DSCAM: variants seen among roughly 807,000 people sequenced by gnomAD.
DSCAM encodes the protein DS cell adhesion molecule, also known as cell adhesion molecule DSCAM.
DSCAM carries 47 observed loss-of-function variants against 217.7 expected under a neutral mutation model. The ratio of observed to expected loss-of-function variants is 0.22; its 90% CI spans 0.17 to 0.28. The LOEUF is 0.28. DSCAM is among the 10% of genes least tolerant of loss of function. The pLI is 1.00. For missense variants in DSCAM, 2,080 were observed against 2,618.3 expected, an observed-to-expected ratio of 0.79 and a Z score of 4.49; for synonymous variants, 1,056 against 1,015.3, an observed-to-expected ratio of 1.04 and a Z score of -0.76.
chr21:40,275,997 G>T, intron 11 of DSCAM, 100 bp downstream of exon 11: 1 of 1,262,214 alleles, frequency 7.9e-7, no homozygotes. Flanking sequence ...CTTCTTTTGT[G>T]TTGCTTTTAA....
intron 20 of DSCAM, among the ~76,000 whole-genome samples, 181 bp downstream of exon 20, chr21:40,124,014 G>A (rs192740359): frequency 1.3e-5 from 2 of 152,186 alleles, no homozygotes; most frequent in African/African-American, 2.4e-5. Flanking sequence ...ATTCAGGAGC[G>A]TATTTTCAAA....
intron 15 of DSCAM, among the ~76,000 whole-genome samples, chr21:40,175,172 C>A (rs1460603569): frequency 6.6e-6 from 1 of 152,290 alleles, no homozygotes; most frequent in African/African-American, 2.4e-5. Context: ...TGCAGTGGCA[C>A]GACCTTGGCT....
At chr21:40,086,218 T>C (rs2146574393) in intron 22 of DSCAM, among the ~76,000 whole-genome samples, 1 of 152,338 alleles carries the variant, frequency 6.6e-6, no homozygotes, top group African/African-American at 2.4e-5. Flanking sequence ...GATTTTGACA[T>C]GAAAAATGAC....
intron 1 of DSCAM, among the ~76,000 whole-genome samples, chr21:40,832,334 A>T (rs140521274): frequency 6.6e-6 from 1 of 152,240 alleles, no homozygotes; most frequent in Non-Finnish European, 1.5e-5. Context: ...TCAAGTGTCC[A>T]CACACTTTAG....
chr21:40,795,223 C>A (rs1201775662), intron 1 of DSCAM, among the ~76,000 whole-genome samples: 4 of 152,214 alleles, frequency 2.6e-5, no homozygotes, highest in Non-Finnish European at 5.9e-5. Context: ...TATGCAGCCA[C>A]TGGATATTTT....
chr21:40,841,556 T>G (rs1263780753), intron 1 of DSCAM, among the ~76,000 whole-genome samples: 3 of 152,120 alleles, frequency 2.0e-5, no homozygotes, highest in Admixed American at 2.0e-4. Context: ...TGTTTTCCAG[T>G]GGGCCTGGGG....
At chr21:40,165,201 A>G (rs1278376323) in intron 16 of DSCAM, among the ~76,000 whole-genome samples, 1 of 152,158 alleles carries the variant, frequency 6.6e-6, no homozygotes, top group Non-Finnish European at 1.5e-5. Flanking sequence ...CACAAAACAG[A>G]TATTCTGAAT....
chr21:40,339,552 G>A, intron 6 of DSCAM, 137 bp from the exon 7 acceptor site: 1 of 851,860 alleles, frequency 1.2e-6, no homozygotes, highest in South Asian at 1.8e-5. Flanking sequence ...TCCTGATAAA[G>A]CAAAACGTTA....
chr21:40,099,848 T>A (rs1290420785), intron 20 of DSCAM, among the ~76,000 whole-genome samples: 2 of 152,116 alleles, frequency 1.3e-5, no homozygotes, highest in African/African-American at 2.4e-5. Flanking sequence ...TATTCCCTCT[T>A]ATGGGTGGAA....
chr21:40,464,375 T>G (rs1269904317), intron 3 of DSCAM, among the ~76,000 whole-genome samples: 1 of 152,136 alleles, frequency 6.6e-6, no homozygotes, highest in African/African-American at 2.4e-5. Context: ...ATGAGTACAA[T>G]GGGGAAAAAT....
intron 3 of DSCAM, among the ~76,000 whole-genome samples, chr21:40,413,898 TA>T (rs974973734): frequency 6.6e-5 from 10 of 152,074 alleles, no homozygotes; most frequent in East Asian, 3.9e-4. Flanking sequence ...TGAACATACA[TA>T]GGGGAAAAAA....
intron 11 of DSCAM, among the ~76,000 whole-genome samples, chr21:40,253,598 T>A (rs2073333056): frequency 6.6e-6 from 1 of 152,148 alleles, no homozygotes; most frequent in Non-Finnish European, 1.5e-5. Flanking sequence ...CCCTGACCTC[T>A]GGGGAAGGAA....
chr21:40,548,632 C>T (rs1024699869), intron 3 of DSCAM, among the ~76,000 whole-genome samples: 4 of 151,990 alleles, frequency 2.6e-5, no homozygotes, highest in African/African-American at 9.7e-5. Flanking sequence ...TTTATTACAG[C>T]AGTTTTTTTC....
At chr21:40,656,210 C>G (rs1485647901) in intron 3 of DSCAM, among the ~76,000 whole-genome samples, 1 of 152,176 alleles carries the variant, frequency 6.6e-6, no homozygotes, top group East Asian at 1.9e-4. Context: ...ACCAGAGCAA[C>G]TCTTATTTCA....
intron 3 of DSCAM, among the ~76,000 whole-genome samples, chr21:40,596,099 G>T (rs2077019656): frequency 6.6e-6 from 1 of 152,176 alleles, no homozygotes; most frequent in Non-Finnish European, 1.5e-5. Context: ...CCATGCTCTG[G>T]GGGTAAGCCT....
intron 3 of DSCAM, among the ~76,000 whole-genome samples, chr21:40,429,550 G>A (rs1325100711): frequency 3.9e-5 from 6 of 152,234 alleles, no homozygotes; most frequent in Non-Finnish European, 2.9e-5. Context: ...TTACAGGCAT[G>A]AGCCACCAAG....
intron 11 of DSCAM, among the ~76,000 whole-genome samples, 179 bp downstream of exon 11, chr21:40,275,918 T>C (rs73904760): frequency 0.04 from 6,076 of 152,246 alleles, 430 homozygotes; most frequent in African/African-American, 0.14. Context: ...AGCTGGATGT[T>C]TACCATCCTC....
chr21:40,792,718 G>A (rs1027762790), intron 1 of DSCAM, among the ~76,000 whole-genome samples: 21 of 152,168 alleles, frequency 1.4e-4, no homozygotes, highest in African/African-American at 5.1e-4. Context: ...TATGATACCT[G>A]GAGAGGAGGG....
At chr21:40,175,002 C>A (rs2090708339) in intron 15 of DSCAM, among the ~76,000 whole-genome samples, 1 of 152,196 alleles carries the variant, frequency 6.6e-6, no homozygotes. Flanking sequence ...CCTGTCCTAT[C>A]TTTCACCTTT....
Sources: allele counts gnomAD v4.1 joint callset (sites outside exome capture counted in the v4.1 genomes callset), GRCh38; gene constraint gnomAD v4.1.1; transcripts MANE v1.5; gene names NCBI Gene and HGNC (gene_info 2026-07-23, HGNC 2026-07-21).